Variants in TMEM132D observed in about 807,000 individuals in gnomAD.
The protein encoded by TMEM132D is mature OL transmembrane protein.
Under a neutral mutation model 62.3 loss-of-function variants are expected in TMEM132D, and 21 were observed. That is an observed-to-expected ratio of 0.34 (90% CI 0.24 to 0.49). The LOEUF (loss-of-function observed/expected upper bound fraction) is 0.49. Ranked by LOEUF, TMEM132D falls within the 20% of genes least tolerant of loss-of-function variation. The probability of loss-of-function intolerance (pLI) is 0.99; values close to 1 mark genes in which losing one functional copy is unlikely to be tolerated. For synonymous variants in TMEM132D, 621 were observed against 575.6 expected, an observed-to-expected ratio of 1.08 and a Z score of -1.13; for missense variants, 1,346 against 1,402.8, an observed-to-expected ratio of 0.96 and a Z score of 0.65.
chr12:129,363,154 C>G (rs73151017), intron 3 of TMEM132D, among the ~76,000 whole-genome samples: 44 of 152,320 alleles, frequency 2.9e-4, no homozygotes, highest in Non-Finnish European at 5.6e-4. Context: ...AAGAAGGCAG[C>G]TTTGCTTGAC....
intron 1 of TMEM132D, among the ~76,000 whole-genome samples, chr12:129,850,426 C>T (rs1513201): frequency 0.14 from 20,750 of 152,070 alleles, 1,932 homozygotes; most frequent in East Asian, 0.52. Flanking sequence ...AACTTGGCCA[C>T]GCAAAGATGA....
rs2135601288 is a variant in TMEM132D at position 129,073,911 on chromosome 12, C to T, written c.3264G>A (p.Leu1088=). ...QDLDPGDCKE[L]HNYMERLHEN... is the part of the protein sequence containing the mutation. ...CATGTAACCTCTCCATGTAGTTGTG[C>T]AGCTCTTTGCAGTCCCCAGGGTCCA... is the stretch of plus-strand genomic sequence containing the variant. The change falls in exon 9 of 9, where the codon CTG becomes CTA. Residue 1088 remains leucine, a synonymous_variant. Coordinates refer to ENST00000422113, the MANE Select transcript of TMEM132D (RefSeq NM_133448.3). The T allele has an allele frequency of 6.4e-7, 1 of 1,567,394 alleles. No homozygotes were observed. The highest frequency in any genetic ancestry group is 1.7e-4 in the Middle Eastern group (1 of 5,840).
chr12:129,103,248 G>A (rs1464726928), intron 5 of TMEM132D, among the ~76,000 whole-genome samples: 1 of 152,114 alleles, frequency 6.6e-6, no homozygotes, highest in Non-Finnish European at 1.5e-5. Flanking sequence ...CTGTTCCCAT[G>A]AGCATTAGGA....
At chr12:129,858,731 A>G (rs113613014) in intron 1 of TMEM132D, among the ~76,000 whole-genome samples, 16 of 29,452 alleles carry the variant, frequency 5.4e-4, no homozygotes, top group South Asian at 1.4e-3. Flanking sequence ...GAGTCCGGGG[A>G]AACGGGATGG....
intron 3 of TMEM132D, among the ~76,000 whole-genome samples, chr12:129,477,592 G>C (rs146818612): frequency 6.6e-6 from 1 of 152,048 alleles, no homozygotes; most frequent in Non-Finnish European, 1.5e-5. Context: ...AGGCCGAGGC[G>C]GGTGGATCAC....
At chr12:129,102,518 GCACA>G (rs1001137970) in intron 5 of TMEM132D, among the ~76,000 whole-genome samples, 21 of 147,914 alleles carry the variant, frequency 1.4e-4, no homozygotes, top group African/African-American at 4.5e-4. Context: ...ACGCACACAC[GCACA>G]CACACAACAC....
chr12:129,604,514 A>T (rs1333790869), intron 2 of TMEM132D, among the ~76,000 whole-genome samples: 1 of 152,194 alleles, frequency 6.6e-6, no homozygotes, highest in African/African-American at 2.4e-5. Context: ...GCCAAGGAGC[A>T]CGAGCGTTGG....
intron 4 of TMEM132D, among the ~76,000 whole-genome samples, chr12:129,234,415 A>C (rs956092754): frequency 1.3e-5 from 2 of 152,234 alleles, no homozygotes; most frequent in African/African-American, 4.8e-5. Flanking sequence ...TAAATAGCTA[A>C]TCTTTTCACA....
At chr12:129,211,260 G>C (rs745714818) in intron 4 of TMEM132D, among the ~76,000 whole-genome samples, 1 of 152,118 alleles carries the variant, frequency 6.6e-6, no homozygotes, top group Non-Finnish European at 1.5e-5. Flanking sequence ...AACTATGAAC[G>C]TATCTGTCTT....
At position 129,389,862 on chromosome 12, in the gene TMEM132D, T is replaced by C. The variant is rs560687156; in HGVS notation, c.1116-52045A>G. Among the ~76,000 whole-genome samples, 7 of 152,308 alleles carry C rather than the reference T, an allele frequency of 4.6e-5. No individual in the cohort carries two copies. The South Asian group carries it at 1.2e-3, about 27-fold the overall frequency. On this transcript the variant is annotated intron_variant, in intron 3 of 8. Coordinates refer to ENST00000422113, the MANE Select transcript of TMEM132D (RefSeq NM_133448.3). ...GGCTAGGTTTTTGTCCAAGGCCAAA[T>C]AGCTGACCAGGAGAGGAGTAAAGAT...
At chr12:129,537,952 A>C (rs1292330745) in intron 2 of TMEM132D, among the ~76,000 whole-genome samples, 2 of 152,144 alleles carry the variant, frequency 1.3e-5, no homozygotes, top group African/African-American at 4.8e-5. Flanking sequence ...AAAACTGCAG[A>C]GTCCTGGCCT....
chr12:129,697,090 G>A lies in TMEM132D; in HGVS notation c.968+2720C>T, dbSNP rs971772908. Among the ~76,000 whole-genome samples the A allele has an allele frequency of 2.0e-5, 3 of 152,306 alleles. No individual in the cohort carries two copies. In the South Asian group the frequency reaches 6.2e-4, roughly 32 times the overall value. On this transcript the variant is annotated intron_variant, in intron 2 of 8. Coordinates refer to ENST00000422113, the MANE Select transcript of TMEM132D (RefSeq NM_133448.3). ...GTGCCCCTGAGATCACAGGCACGCC[G>A]CCGGGGAGGTGTACAGTGGGTGGTC...
intron 3 of TMEM132D, among the ~76,000 whole-genome samples, chr12:129,351,787 C>T (rs997610817): frequency 3.0e-4 from 45 of 152,212 alleles, no homozygotes; most frequent in African/African-American, 8.4e-4. Context: ...GTTCACTCAA[C>T]GCTTTCTTAA....
At chr12:129,317,352 C>G (rs1337001084) in intron 4 of TMEM132D, among the ~76,000 whole-genome samples, 1 of 152,170 alleles carries the variant, frequency 6.6e-6, no homozygotes, top group African/African-American at 2.4e-5. Context: ...GGCGAAGTCT[C>G]TCAGCATTTG....
intron 1 of TMEM132D, among the ~76,000 whole-genome samples, chr12:129,880,520 C>T (rs1593197268): frequency 1.3e-5 from 2 of 151,994 alleles, no homozygotes; most frequent in East Asian, 3.8e-4. Context: ...GCCAAAATAA[C>T]AACAATGTAT....
chr12:129,445,281 A>T (rs1220488732), intron 3 of TMEM132D, among the ~76,000 whole-genome samples: 1 of 152,110 alleles, frequency 6.6e-6, no homozygotes, highest in Non-Finnish European at 1.5e-5. Context: ...GGACACAAAG[A>T]GGGGAACAAC....
chr12:129,410,505 G>A (rs898416549), intron 3 of TMEM132D, among the ~76,000 whole-genome samples: 16 of 151,940 alleles, frequency 1.1e-4, no homozygotes, highest in Admixed American at 6.6e-4. Flanking sequence ...GATTACAGGT[G>A]CGCACCACCA....
At chr12:129,764,328 A>G (rs527771469) in intron 1 of TMEM132D, among the ~76,000 whole-genome samples, 1 of 152,346 alleles carries the variant, frequency 6.6e-6, no homozygotes, top group African/African-American at 2.4e-5. Context: ...GTCTTCCTAG[A>G]CTTCCACCCA....
intron 4 of TMEM132D, chr12:129,211,066 T>C: frequency 6.6e-6 from 1 of 152,234 alleles, no homozygotes; most frequent in East Asian, 1.9e-4. Flanking sequence ...AATCTCATTC[T>C]TCTCTGCAGA....
Sources: gnomAD v4.1 joint callset for allele counts (sites outside exome capture counted in the v4.1 genomes callset) on GRCh38, gnomAD v4.1.1 for gene constraint, MANE v1.5 for transcripts, NCBI Gene and HGNC (gene_info 2026-07-23, HGNC 2026-07-21) for gene names.